KCNH5: variants seen among roughly 807,000 people sequenced by gnomAD.
The protein encoded by KCNH5 is potassium voltage-gated channel subfamily H member 5.
Under a neutral mutation model 96.1 loss-of-function variants are expected in KCNH5, and 46 were observed. The ratio of observed to expected loss-of-function variants is 0.48; its 90% CI spans 0.38 to 0.61. The LOEUF is 0.61. KCNH5 is among the 20% of genes least tolerant of loss of function. The pLI, the probability that KCNH5 is intolerant of heterozygous loss-of-function variation, is 0.00. For missense variants in KCNH5, 907 were observed against 1,225.8 expected, an observed-to-expected ratio of 0.74 and a Z score of 3.88; for synonymous variants, 439 against 449.8, an observed-to-expected ratio of 0.98 and a Z score of 0.30.
intron 4 of KCNH5, among the ~76,000 whole-genome samples, chr14:62,989,876 T>A (rs1315390520): frequency 6.6e-6 from 1 of 152,096 alleles, no homozygotes; most frequent in East Asian, 1.9e-4. Context: ...GGTGAGGGCG[T>A]CTTTGGATGA....
chr14:63,017,334 A>G (rs910595517), intron 1 of KCNH5, among the ~76,000 whole-genome samples: 1 of 151,954 alleles, frequency 6.6e-6, no homozygotes, highest in African/African-American at 2.4e-5. Context: ...CTACAAATTG[A>G]GAATATTGAA....
intron 3 of KCNH5, among the ~76,000 whole-genome samples, chr14:63,005,703 G>T (rs564019840): frequency 6.6e-6 from 1 of 152,296 alleles, no homozygotes. Flanking sequence ...GTTGGTTTTT[G>T]TCATGTTGGT....
chr14:62,951,950 G>A (rs1205324707), intron 6 of KCNH5, among the ~76,000 whole-genome samples: 28 of 114,414 alleles, frequency 2.4e-4, no homozygotes, highest in African/African-American at 7.6e-4. Flanking sequence ...GTAACAGAGC[G>A]AGACTCCGTC....
intron 6 of KCNH5, 43 bp from the exon 7 acceptor site, chr14:62,950,602 A>G (rs924981528): frequency 8.6e-6 from 12 of 1,396,056 alleles, no homozygotes; most frequent in Admixed American, 7.8e-5. Context: ...CATTTTCAGG[A>G]AAAAAAAAGG....
At chr14:63,012,592 CAAG>C (rs1046308977) in intron 2 of KCNH5, among the ~76,000 whole-genome samples, 1 of 152,042 alleles carries the variant, frequency 6.6e-6, no homozygotes, top group Non-Finnish European at 1.5e-5. Context: ...CACAGGGCCA[CAAG>C]AAGATGTGTA....
At chr14:62,862,938 C>T (rs1211632771) in intron 7 of KCNH5, among the ~76,000 whole-genome samples, 6 of 152,056 alleles carry the variant, frequency 3.9e-5, no homozygotes, top group East Asian at 1.9e-4. Flanking sequence ...AATAAACAAC[C>T]GATGCATCTT....
chr14:62,771,881 G>T (rs1885995048), intron 10 of KCNH5, among the ~76,000 whole-genome samples: 1 of 152,040 alleles, frequency 6.6e-6, no homozygotes, highest in African/African-American at 2.4e-5. Context: ...CACTTCTCTG[G>T]CCATGATCAC....
chr14:62,909,032 ATTTTTTTTTTTTT>A (rs58920666), intron 7 of KCNH5, among the ~76,000 whole-genome samples: 20 of 57,926 alleles, frequency 3.5e-4, no homozygotes, highest in African/African-American at 1.3e-3. Flanking sequence ...TATGCTACGT[ATTTTTTTTTTTTT>A]TTTTTTTTTT....
chr14:62,749,736 T>C (rs1188454069), intron 10 of KCNH5, among the ~76,000 whole-genome samples: 1 of 152,168 alleles, frequency 6.6e-6, no homozygotes, highest in Non-Finnish European at 1.5e-5. Context: ...AGGCTACAGG[T>C]AATAAAGACA....
chr14:62,714,565 G>T (rs1884643420), intron 10 of KCNH5, among the ~76,000 whole-genome samples: 1 of 152,074 alleles, frequency 6.6e-6, no homozygotes, highest in African/African-American at 2.4e-5. Flanking sequence ...AATTCAATAT[G>T]TAATTTATAT....
intron 8 of KCNH5, among the ~76,000 whole-genome samples, chr14:62,842,968 C>T (rs1445553381): frequency 6.6e-6 from 1 of 152,104 alleles, no homozygotes; most frequent in Non-Finnish European, 1.5e-5. Flanking sequence ...ACTGTCAGGA[C>T]CTGCAAGTTC....
chr14:62,842,708 A>T (rs1307021558), intron 8 of KCNH5, among the ~76,000 whole-genome samples: 1 of 152,196 alleles, frequency 6.6e-6, no homozygotes, highest in Non-Finnish European at 1.5e-5. Context: ...TCTATTAGAC[A>T]TTCTGAATCC....
At chr14:62,898,113 G>A (rs1888852302) in intron 7 of KCNH5, among the ~76,000 whole-genome samples, 2 of 152,108 alleles carry the variant, frequency 1.3e-5, no homozygotes. Flanking sequence ...TTGGTCTTAA[G>A]TATCTTAGAA....
chr14:62,838,693 A>G (rs1325880879), intron 8 of KCNH5, among the ~76,000 whole-genome samples: 1 of 152,152 alleles, frequency 6.6e-6, no homozygotes, highest in African/African-American at 2.4e-5. Flanking sequence ...GACTAAGAAC[A>G]TTGCCTTTAC....
chr14:62,769,482 C>T (rs1438390833), intron 10 of KCNH5, among the ~76,000 whole-genome samples: 1 of 152,290 alleles, frequency 6.6e-6, no homozygotes, highest in Middle Eastern at 3.4e-3. Flanking sequence ...CCACTGGCAT[C>T]GGGTGATCTC....
intron 7 of KCNH5, among the ~76,000 whole-genome samples, chr14:62,882,219 G>A (rs1414660706): frequency 6.6e-6 from 1 of 151,398 alleles, no homozygotes; most frequent in Non-Finnish European, 1.5e-5. Context: ...AGCTAGATCA[G>A]GCCACTGTAC....
intron 9 of KCNH5, among the ~76,000 whole-genome samples, chr14:62,799,278 A>T (rs188750492): frequency 1.7e-3 from 255 of 152,198 alleles, no homozygotes; most frequent in African/African-American, 5.8e-3. Context: ...AATCAAAAGG[A>T]TTTAAAAAAT....
In KCNH5 at chr14:62,705,589, T is replaced by C. The variant is rs1595586230; in HGVS notation, c.*1919A>G. The C allele has an allele frequency of 6.6e-6, 1 of 152,012 alleles. No individual in the cohort carries two copies. Among genetic ancestry groups the C allele is most frequent in the African/African-American group, 2.4e-5 (1 of 41,448 alleles). The allele number at this position is 152,012 out of a possible 1,614,324, so 9.4% of individuals were successfully genotyped here. On this transcript the variant is annotated 3_prime_UTR_variant, in exon 11 of 11. Coordinates refer to ENST00000322893, the MANE Select transcript of KCNH5 (RefSeq NM_139318.5). The stretch of plus-strand genomic sequence containing the variant: ...AAACTTCCATTATGGTTAATGGAAG[T>C]TATACGCATAAAGAAAGGAAAATGG...
chr14:62,818,748 A>G (rs961063208), intron 8 of KCNH5, among the ~76,000 whole-genome samples: 1 of 152,186 alleles, frequency 6.6e-6, no homozygotes, highest in African/African-American at 2.4e-5. Context: ...ATAACAGCCA[A>G]AAATTAGAAG....
Sources: gnomAD v4.1 joint callset for allele counts (sites outside exome capture counted in the v4.1 genomes callset) on GRCh38, gnomAD v4.1.1 for gene constraint, MANE v1.5 for transcripts, NCBI Gene and HGNC (gene_info 2026-07-23, HGNC 2026-07-21) for gene names.